The following BLM variants were observed in gnomAD, a reference collection of about 807,000 sequenced individuals.
BLM encodes the protein recQ-like DNA helicase BLM.
A neutral mutation model predicts 135.3 loss-of-function variants in BLM; 95 were observed. That is an observed-to-expected ratio of 0.70 (90% CI 0.59 to 0.83). BLM has a LOEUF of 0.83. Ranked by LOEUF, BLM falls within the 40% of genes least tolerant of loss-of-function variation. The probability of loss-of-function intolerance (pLI) is 0.00; values close to 1 mark genes in which losing one functional copy is unlikely to be tolerated. For synonymous variants in BLM, 520 were observed against 589.2 expected (o/e 0.88, Z 1.70); for missense variants, 1,518 against 1,663.9 (o/e 0.91, Z 1.53).
chr15:90,727,423 C>G (rs1180171885), intron 1 of BLM, among the ~76,000 whole-genome samples: 2 of 152,070 alleles, frequency 1.3e-5, no homozygotes. Flanking sequence ...ATATAGTAGG[C>G]CTGAAACTGT....
intron 1 of BLM, among the ~76,000 whole-genome samples, chr15:90,725,835 T>G (rs548034596): frequency 5.9e-5 from 9 of 152,010 alleles, no homozygotes; most frequent in African/African-American, 1.7e-4. Context: ...TTCTGTCTTC[T>G]CTATTAAGTT....
At chr15:90,768,751 A>C (rs1225174649) in intron 10 of BLM, among the ~76,000 whole-genome samples, 2 of 152,102 alleles carry the variant, frequency 1.3e-5, no homozygotes, top group African/African-American at 2.4e-5. Flanking sequence ...TTCGAGACCG[A>C]GTTTCGGTAT....
chr15:90,786,145 G>A (rs28745034), intron 14 of BLM, among the ~76,000 whole-genome samples: 25,942 of 151,352 alleles, frequency 0.17, 2,288 homozygotes, highest in Non-Finnish European at 0.19. Context: ...GCACCACTAT[G>A]CCTGGCTAAT....
chr15:90,798,747 C>T (rs7176619), intron 17 of BLM, among the ~76,000 whole-genome samples: 14,726 of 151,940 alleles, frequency 0.097, 1,244 homozygotes, highest in African/African-American at 0.23. Flanking sequence ...TTTGGGAGGC[C>T]GAGGCGGGCG....
chr15:90,751,123 A>G (rs115694816), intron 3 of BLM, among the ~76,000 whole-genome samples: 1 of 152,256 alleles, frequency 6.6e-6, no homozygotes, highest in Non-Finnish European at 1.5e-5. Flanking sequence ...TTAATGTCCA[A>G]AATTGAGTAA....
In BLM at chr15:90,769,601, G is replaced by A. The variant is rs376896850; in HGVS notation, c.2555+15G>A. 4 of 1,612,542 alleles carry A rather than the reference G, an allele frequency of 2.5e-6. No individual in the cohort carries two copies. Among genetic ancestry groups the A allele is most frequent in the Non-Finnish European group, 1.7e-6 (2 of 1,179,188 alleles). On this transcript the variant is annotated intron_variant, in intron 12 of 21. Coordinates refer to ENST00000355112, the MANE Select transcript of BLM (RefSeq NM_000057.4). Reference sequence around the variant, plus strand: ...AGACCTCAGGTGTAAGTTGTTGCACGTCACGTATTTGAGAACCCTGGGGCA... The same window carrying A: ...AGACCTCAGGTGTAAGTTGTTGCACATCACGTATTTGAGAACCCTGGGGCA...
chr15:90,721,411 C>T (rs762525654), intron 1 of BLM, among the ~76,000 whole-genome samples: 140 of 152,158 alleles, frequency 9.2e-4, no homozygotes, highest in Non-Finnish European at 1.1e-3. Flanking sequence ...ACTGTAACCT[C>T]CGTCTCCCGA....
chr15:90,731,752 A>T (rs1271450216), intron 1 of BLM, among the ~76,000 whole-genome samples: 1 of 152,066 alleles, frequency 6.6e-6, no homozygotes, highest in Non-Finnish European at 1.5e-5. Context: ...TTTTTACAGA[A>T]CAAACTTGGT....
intron 1 of BLM, among the ~76,000 whole-genome samples, chr15:90,735,769 A>G (rs891545188): frequency 4.6e-5 from 7 of 152,162 alleles, no homozygotes; most frequent in African/African-American, 1.4e-4. Context: ...GAAGGGCAAT[A>G]AAAGAGGGGG....
chr15:90,764,296 T>C (rs1049268790), intron 8 of BLM, among the ~76,000 whole-genome samples: 1 of 148,954 alleles, frequency 6.7e-6, no homozygotes, highest in South Asian at 2.1e-4. Context: ...CTATTATATA[T>C]AATTATAATA....
rs1207886252 is a variant in BLM, at chr15:90,761,194, T to G, written c.1821T>G (p.Cys607Trp). 2 of 1,531,692 alleles carry G rather than the reference T, an allele frequency of 1.3e-6. No individual in the cohort carries two copies. Among genetic ancestry groups the G allele is most frequent in the Non-Finnish European group, 1.7e-6 (2 of 1,144,262 alleles). 94.9% of individuals were successfully genotyped at this position (1,531,692 alleles called of 1,614,324 possible). Residue 607 changes from cysteine (C) to tryptophan (W), a missense_variant, in exon 7 of 22, where the codon TGT (cysteine) becomes TGG (tryptophan). This residue lies in a region of BLM where 724 missense variants were observed against 756.9 expected (regional missense o/e 0.96). Coordinates refer to ENST00000355112, the MANE Select transcript of BLM (RefSeq NM_000057.4). ...SERLSSAKTD[C>W]LPVSSTAQNI... ...GACTTTCCTCAGCCAAGACAGACTG[T>G]CTTCCAGTGTCATCTACTGCTCAAA... is the stretch of plus-strand genomic sequence containing the variant.
At chr15:90,780,431 A>G (rs1019277586) in intron 12 of BLM, among the ~76,000 whole-genome samples, 1 of 152,074 alleles carries the variant, frequency 6.6e-6, no homozygotes, top group African/African-American at 2.4e-5. Context: ...TTGTTGCCCA[A>G]CTGGTCTTGA....
At chr15:90,803,163 T>TA (rs71463769) in intron 17 of BLM, among the ~76,000 whole-genome samples, 21,502 of 133,742 alleles carry the variant, frequency 0.16, 1,877 homozygotes, top group African/African-American at 0.26. Flanking sequence ...ACCCTGTCTC[T>TA]AAAAAAAAAA....
chr15:90,776,427 G>A (rs1896478742), intron 12 of BLM, among the ~76,000 whole-genome samples: 1 of 152,148 alleles, frequency 6.6e-6, no homozygotes, highest in Admixed American at 6.5e-5. Context: ...AAGAGTTGGG[G>A]AAATCAAAAT....
At chr15:90,759,933 A>C (rs1378421543) in intron 5 of BLM, 3 of 380,680 alleles carry the variant, frequency 7.9e-6, no homozygotes, top group South Asian at 4.9e-5. Flanking sequence ...AAAAAAAAAG[A>C]AAAAGAAATC....
intron 5 of BLM, among the ~76,000 whole-genome samples, chr15:90,756,039 T>C (rs1895808406): frequency 6.6e-6 from 1 of 152,230 alleles, no homozygotes; most frequent in Non-Finnish European, 1.5e-5. Flanking sequence ...GGCGCTCTTA[T>C]AAAGTGCCTT....
Position 90,803,602 on chromosome 15 carries a change from A to G in BLM, c.3440A>G (p.Lys1147Arg). 1 of 1,614,060 alleles carries G rather than the reference A, an allele frequency of 6.2e-7. No individual in the cohort carries two copies. Among genetic ancestry groups the G allele is most frequent in the South Asian group, 1.1e-5 (1 of 91,082 alleles). The change falls in exon 18 of 22, where the codon AAA becomes AGA. Residue 1147 changes from lysine (K) to arginine (R), a missense_variant. By Grantham distance (26) the Lys-to-Arg change is conservative. This residue lies in a region of BLM where 626 missense variants were observed against 681.1 expected (regional missense o/e 0.92). Transcript: ENST00000355112. ...YSRHNAERLF[K>R]KLILDKILDE... ...CGACACAATGCCGAAAGACTTTTTAAAAAGCTGATACTTGACAAGATTTTG... is the reference window on the plus strand; with the variant it reads ...CGACACAATGCCGAAAGACTTTTTAGAAAGCTGATACTTGACAAGATTTTG...
At chr15:90,789,175 C>T (rs369001453) in intron 14 of BLM, among the ~76,000 whole-genome samples, 11 of 152,016 alleles carry the variant, frequency 7.2e-5, no homozygotes, top group African/African-American at 2.4e-4. Context: ...TACACCAGCT[C>T]GACAGACTTG....
intron 1 of BLM, among the ~76,000 whole-genome samples, chr15:90,731,802 C>G (rs1895076179): frequency 6.6e-6 from 1 of 151,826 alleles, no homozygotes; most frequent in South Asian, 2.1e-4. Context: ...ATTTTTTACT[C>G]TTAAAAATTT....
Sources: allele counts gnomAD v4.1 joint callset (sites outside exome capture counted in the v4.1 genomes callset), GRCh38; gene constraint gnomAD v4.1.1; regional missense constraint gnomAD v4.1.1; transcripts MANE v1.5; gene names NCBI Gene and HGNC (gene_info 2026-07-23, HGNC 2026-07-21).